COL27A1: variants seen among roughly 807,000 people sequenced by gnomAD.
COL27A1 encodes collagen type XXVII alpha 1 chain.
Under a neutral mutation model 251.3 loss-of-function variants are expected in COL27A1, and 106 were observed. That is an observed-to-expected ratio of 0.42 (90% CI 0.36 to 0.50). The LOEUF is 0.50. Ranked by LOEUF, COL27A1 falls within the 20% of genes least tolerant of loss-of-function variation. The pLI is 0.00. For missense variants in COL27A1, 2,325 were observed against 2,522.8 expected, an observed-to-expected ratio of 0.92 and a Z score of 1.68; for synonymous variants, 1,000 against 986.3, an observed-to-expected ratio of 1.01 and a Z score of -0.26.
chr9:114,176,723 T>C (rs1300391100), intron 3 of COL27A1, among the ~76,000 whole-genome samples: 1 of 152,144 alleles, frequency 6.6e-6, no homozygotes, highest in Non-Finnish European at 1.5e-5. Flanking sequence ...CTCTGGATGC[T>C]CAGAGGTAGC....
chr9:114,296,840 A>G (rs1828290775), intron 49 of COL27A1, among the ~76,000 whole-genome samples: 1 of 152,246 alleles, frequency 6.6e-6, no homozygotes, highest in Non-Finnish European at 1.5e-5. Flanking sequence ...AAAGTGTGGT[A>G]TATTTTGCAA....
At position 114,311,761 on chromosome 9, in the gene COL27A1, G is replaced by A. The variant is rs919064604; in HGVS notation, c.*1066G>A. The A allele has an allele frequency of 6.6e-6, 1 of 152,236 alleles. No individual in the cohort carries two copies. The highest frequency in any genetic ancestry group is 1.5e-5 in the Non-Finnish European group (1 of 68,102). 9.4% of individuals were successfully genotyped at this position (152,236 alleles called of 1,614,324 possible). On this transcript the variant is annotated 3_prime_UTR_variant, in exon 61 of 61. Coordinates refer to ENST00000356083, the MANE Select transcript of COL27A1 (RefSeq NM_032888.4). ...GAAGGCGTGCCCTGGAGAGGTCTTG[G>A]GTGAAAACTTGACCTTGAAGAAACC...
chr9:114,279,010 G>T (rs980825462), intron 37 of COL27A1, among the ~76,000 whole-genome samples: 1 of 152,146 alleles, frequency 6.6e-6, no homozygotes, highest in Non-Finnish European at 1.5e-5. Context: ...CCCAGCAAGT[G>T]GCACCCTGTC....
At chr9:114,306,450 C>A in intron 57 of COL27A1, 70 bp from the exon 58 acceptor site, 4 of 1,493,582 alleles carry the variant, frequency 2.7e-6, no homozygotes, top group Middle Eastern at 1.8e-4. Context: ...GAACTGGGGG[C>A]TGTGGAGGCT....
intron 52 of COL27A1, 28 bp downstream of exon 52, chr9:114,301,153 T>C: frequency 6.2e-7 from 1 of 1,613,304 alleles, no homozygotes; most frequent in Non-Finnish European, 8.5e-7. Flanking sequence ...ACAGGAAGAC[T>C]CCGGGGTCCC....
At chr9:114,191,619 G>C (rs1355479341) in intron 5 of COL27A1, among the ~76,000 whole-genome samples, 1 of 152,190 alleles carries the variant, frequency 6.6e-6, no homozygotes, top group African/African-American at 2.4e-5. Flanking sequence ...TGGCTGCATA[G>C]TATTCCGTGA....
chr9:114,300,401 G>T, intron 50 of COL27A1: 1 of 575,310 alleles, frequency 1.7e-6, no homozygotes, highest in Non-Finnish European at 3.1e-6. Context: ...GAAGACTGTT[G>T]CAAAAATAAA....
At chr9:114,259,281 A>G (rs1834153631) in intron 28 of COL27A1, among the ~76,000 whole-genome samples, 1 of 152,194 alleles carries the variant, frequency 6.6e-6, no homozygotes, top group Non-Finnish European at 1.5e-5. Context: ...CAAAAGCCAC[A>G]GCTATACTCC....
chr9:114,232,350 T>A (rs1832025165), intron 16 of COL27A1, among the ~76,000 whole-genome samples: 1 of 152,194 alleles, frequency 6.6e-6, no homozygotes, highest in South Asian at 2.1e-4. Flanking sequence ...GCCCTTGCCA[T>A]GTATCCTCTG....
At chr9:114,271,750 C>T (rs1387476740) in intron 36 of COL27A1, 7 of 152,492 alleles carry the variant, frequency 4.6e-5, no homozygotes, top group Admixed American at 1.3e-4. Flanking sequence ...AGCTCCCCAG[C>T]CCAGGTTCCT....
Position 114,311,548 on chromosome 9 carries a change from G to GAAAAAAAAAAAAAAAAAGC in COL27A1, c.*858_*876dup, listed in dbSNP as rs1829451259. On this transcript the variant is annotated 3_prime_UTR_variant, in exon 61 of 61. Transcript: ENST00000356083. ...AGGAGGAAAAAAGAAAAGAAAAAAG[G>GAAAAAAAAAAAAAAAAAGC]AAAAAAAAAAAAAAAAAGCAAAACA... The GAAAAAAAAAAAAAAAAAGC allele has an allele frequency of 1.0e-5, 1 of 96,218 alleles. No individual in the cohort carries two copies. Among genetic ancestry groups the GAAAAAAAAAAAAAAAAAGC allele is most frequent in the Non-Finnish European group, 2.4e-5 (1 of 41,944 alleles). The allele number at this position is 96,218 out of a possible 1,614,324, so 6.0% of individuals were successfully genotyped here.
chr9:114,253,389 A>G lies in COL27A1; in HGVS notation c.3141+457A>G, dbSNP rs1480497488. On this transcript the variant is annotated intron_variant, in intron 27 of 60. Transcript: ENST00000356083. ...AAGAAAGACGAAAGAAAGAAAGAAA[A>G]AAGAAAGAGGAAAAAAGACAGAAAG... Among the ~76,000 whole-genome samples the G allele has an allele frequency of 7.4e-3, 902 of 121,220 alleles. 12 individuals are homozygous for G. Among genetic ancestry groups the G allele is most frequent in the African/African-American group, 0.029 (831 of 28,824 alleles). The allele number at this position is 121,220 out of a possible 152,430, so 79.5% of individuals were successfully genotyped here. A position where few individuals can be genotyped will look rare whatever the true frequency, so the allele number is the denominator to read the frequency against.
chr9:114,242,722 A>C (rs918562593), intron 22 of COL27A1, among the ~76,000 whole-genome samples: 3 of 152,244 alleles, frequency 2.0e-5, no homozygotes, highest in African/African-American at 7.2e-5. Flanking sequence ...AAAATGATGG[A>C]GGACCCAAAG....
intron 6 of COL27A1, 78 bp from the exon 7 acceptor site, chr9:114,195,881 C>T (rs982086787): frequency 2.7e-6 from 3 of 1,100,574 alleles, no homozygotes; most frequent in Admixed American, 3.4e-5. Flanking sequence ...TTGGAAGTTA[C>T]CATTCCAATT....
rs1849072279 is a variant in COL27A1, at chr9:114,168,583, G to A, written c.1028G>A (p.Gly343Asp). 2 of 1,613,950 alleles carry A rather than the reference G, an allele frequency of 1.2e-6. No homozygotes were observed. Among genetic ancestry groups the A allele is most frequent in the African/African-American group, 2.7e-5 (2 of 74,898 alleles). ...LDPMLPASVG[G>D]STRTPRPAAA... is the part of the protein sequence containing the mutation. ...CCCATGCTCCCAGCCTCTGTTGGCGGCTCTACCAGAACGCCTCGCCCTGCG... is the reference window on the plus strand; with the variant it reads ...CCCATGCTCCCAGCCTCTGTTGGCGACTCTACCAGAACGCCTCGCCCTGCG... The change falls in exon 3 of 61, where the codon GGC becomes GAC. Residue 343 changes from glycine (G) to aspartate (D), a missense_variant. Gly to Asp is a moderately conservative substitution (Grantham distance 94). Coordinates refer to ENST00000356083, the MANE Select transcript of COL27A1 (RefSeq NM_032888.4).
chr9:114,173,003 G>A (rs764021705), intron 3 of COL27A1, among the ~76,000 whole-genome samples: 4 of 152,232 alleles, frequency 2.6e-5, no homozygotes, highest in African/African-American at 9.6e-5. Flanking sequence ...CCTGCTCCTC[G>A]GGGTTCAGGG....
intron 4 of COL27A1, among the ~76,000 whole-genome samples, chr9:114,182,412 A>G (rs555966693): frequency 2.0e-5 from 3 of 151,272 alleles, no homozygotes; most frequent in East Asian, 3.9e-4. Flanking sequence ...GAGGAGCCCT[A>G]GAGGGTTCCC....
intron 6 of COL27A1, 132 bp from the exon 7 acceptor site, chr9:114,195,827 A>C: frequency 1.3e-6 from 1 of 752,690 alleles, no homozygotes; most frequent in African/African-American, 1.7e-5. Context: ...GTCTCCTCTG[A>C]GGCCTCTACT....
intron 15 of COL27A1, among the ~76,000 whole-genome samples, chr9:114,231,350 C>T (rs1831937804): frequency 6.6e-6 from 1 of 152,200 alleles, no homozygotes; most frequent in Non-Finnish European, 1.5e-5. Flanking sequence ...CAGACATCCT[C>T]CTCTAGCTGA....
Sources: gnomAD v4.1 joint callset for allele counts (sites outside exome capture counted in the v4.1 genomes callset) on GRCh38, gnomAD v4.1.1 for gene constraint, MANE v1.5 for transcripts, NCBI Gene and HGNC (gene_info 2026-07-23, HGNC 2026-07-21) for gene names.